The following DIPK1A variants were observed in gnomAD, a reference collection of about 807,000 sequenced individuals.
DIPK1A encodes family with sequence similarity 69 member A.
In DIPK1A, 27 loss-of-function variants were observed where a neutral mutation model predicts 40.8. The observed-to-expected ratio is 0.66, with a 90% CI of 0.49 to 0.91. The LOEUF is 0.91. Ranked by LOEUF, DIPK1A falls within the 40% of genes least tolerant of loss-of-function variation. The probability of loss-of-function intolerance (pLI) is 0.00; values close to 1 mark genes in which losing one functional copy is unlikely to be tolerated. For missense variants in DIPK1A, 412 were observed against 505.7 expected (o/e 0.81, Z 1.78); for synonymous variants, 166 against 171.3 (o/e 0.97, Z 0.24).
chr1:92,895,557 G>C (rs1328402776), intron 1 of DIPK1A, among the ~76,000 whole-genome samples: 2 of 152,016 alleles, frequency 1.3e-5, no homozygotes, highest in Non-Finnish European at 2.9e-5. Context: ...CATACTCAAT[G>C]GGCAAAAATT....
intron 4 of DIPK1A, among the ~76,000 whole-genome samples, chr1:92,846,829 A>ACACACACG (rs1557449839): frequency 0.02 from 130 of 6,534 alleles, 45 homozygotes; most frequent in Non-Finnish European, 0.024. Flanking sequence ...ATATATATAT[A>ACACACACG]TATATATATA....
chr1:92,947,364 C>T (rs1405608402), intron 1 of DIPK1A, among the ~76,000 whole-genome samples: 1 of 152,066 alleles, frequency 6.6e-6, no homozygotes, highest in Non-Finnish European at 1.5e-5. Context: ...AGAAAATCAT[C>T]AGGGAAATGC....
chr1:92,861,066 TAC>T (rs1647241075), intron 2 of DIPK1A, among the ~76,000 whole-genome samples: 1 of 152,096 alleles, frequency 6.6e-6, no homozygotes, highest in African/African-American at 2.4e-5. Flanking sequence ...CTTGACTTAT[TAC>T]AGTGACTAGG....
downstream of DIPK1A, among the ~76,000 whole-genome samples, chr1:92,839,125 G>A (rs1358602951): frequency 6.0e-5 from 9 of 150,622 alleles, no homozygotes; most frequent in Admixed American, 2.0e-4. Flanking sequence ...TTGGGAGGCC[G>A]TGGTGGGCAG....
chr1:92,897,516 G>A (rs991736749), intron 1 of DIPK1A, among the ~76,000 whole-genome samples: 30 of 152,232 alleles, frequency 2.0e-4, no homozygotes, highest in African/African-American at 6.0e-4. Flanking sequence ...TGGGGTGGGC[G>A]GAGGGGGGAG....
intron 3 of DIPK1A, among the ~76,000 whole-genome samples, chr1:92,850,354 G>A (rs910914052): frequency 2.6e-5 from 4 of 152,154 alleles, no homozygotes; most frequent in African/African-American, 7.2e-5. Flanking sequence ...AAACAAAACA[G>A]TGTCTGGAAT....
At chr1:92,868,022 G>A (rs1024723704) in intron 2 of DIPK1A, among the ~76,000 whole-genome samples, 6 of 152,160 alleles carry the variant, frequency 3.9e-5, no homozygotes, top group South Asian at 2.1e-4. Context: ...TATGTTCAAC[G>A]GATATGTCAG....
chr1:92,915,083 C>CAAAAAAAAAAAAAAA (rs10583235), intron 1 of DIPK1A, among the ~76,000 whole-genome samples: 1 of 80,080 alleles, frequency 1.2e-5, no homozygotes, highest in Non-Finnish European at 2.3e-5. Context: ...GCAAGACTGT[C>CAAAAAAAAAAAAAAA]AAAAAAAAAA....
At chr1:92,902,378 T>C (rs1571109032) in intron 1 of DIPK1A, among the ~76,000 whole-genome samples, 1 of 152,044 alleles carries the variant, frequency 6.6e-6, no homozygotes, top group Non-Finnish European at 1.5e-5. Context: ...TGGGCTGGGG[T>C]AGTTCAGCAG....
At chr1:92,887,719 G>A (rs1471471466) in intron 1 of DIPK1A, among the ~76,000 whole-genome samples, 5 of 152,170 alleles carry the variant, frequency 3.3e-5, no homozygotes, top group African/African-American at 1.2e-4. Flanking sequence ...AACTGATACT[G>A]GAGGGGACTA....
chr1:92,846,952 C>G (rs2100718572), intron 4 of DIPK1A, among the ~76,000 whole-genome samples: 1 of 114,798 alleles, frequency 8.7e-6, no homozygotes, highest in East Asian at 2.5e-4. Context: ...CTATGTTGCC[C>G]AGGCTGGACT....
chr1:92,960,885 A>G lies in DIPK1A; in HGVS notation c.54+491T>C, dbSNP rs537357828. On this transcript the variant is annotated intron_variant, in intron 1 of 4. Transcript: ENST00000370310. ...TGTGACAAATTGTCATAATTTTCTA[A>G]GACACGGAGGAATGCTACACCACCT... 2.0e-5 allele frequency among the ~76,000 whole-genome samples: 3 copies of G among 152,344 alleles called. No individual in the cohort carries two copies. In the South Asian group the frequency reaches 6.2e-4, roughly 32 times the overall value.
At chr1:92,931,497 G>A (rs2100872538) in intron 1 of DIPK1A, 1 of 160,950 alleles carries the variant, frequency 6.2e-6, no homozygotes. Context: ...GGAGGTTGAT[G>A]CAGGAGGACT....
intron 1 of DIPK1A, among the ~76,000 whole-genome samples, chr1:92,900,025 G>A (rs1310000007): frequency 1.4e-5 from 2 of 146,152 alleles, no homozygotes; most frequent in Admixed American, 7.0e-5. Context: ...TATGTGACTT[G>A]ACACTTTTCT....
chr1:92,916,723 A>G (rs1186026084), intron 1 of DIPK1A, among the ~76,000 whole-genome samples: 1 of 152,146 alleles, frequency 6.6e-6, no homozygotes, highest in Non-Finnish European at 1.5e-5. Context: ...TTACCCTGAT[A>G]ATGTTCATTT....
At chr1:92,844,971 G>A (rs1239265969) in intron 4 of DIPK1A, among the ~76,000 whole-genome samples, 1 of 116,484 alleles carries the variant, frequency 8.6e-6, no homozygotes, top group African/African-American at 3.4e-5. Flanking sequence ...TTGAGACGGA[G>A]TCTCGCTCTT....
At chr1:92,866,691 T>C (rs1419201568) in intron 2 of DIPK1A, among the ~76,000 whole-genome samples, 2 of 152,288 alleles carry the variant, frequency 1.3e-5, no homozygotes, top group East Asian at 3.9e-4. Flanking sequence ...GAGAGTATCC[T>C]AGATAGTCTG....
In DIPK1A at chr1:92,844,026, G is replaced by C; in HGVS notation, c.644C>G (p.Thr215Ser). The change falls in exon 5 of 5, where the codon ACC (threonine) becomes AGC (serine). Residue 215 changes from threonine to serine, a missense_variant. Physicochemically the swap from Thr to Ser is moderately conservative, Grantham distance 58. Transcript: ENST00000370310. ...LMVILQDKEH[T>S]PKLMGFCGDL... is the part of the protein sequence containing the mutation. ...ACCACAGAATCCCATTAATTTGGGG[G>C]TATGTTCTTTATCTTGAAGTATCAC... 3 of 1,552,112 alleles carry C rather than the reference G, an allele frequency of 1.9e-6. No homozygotes were observed. The highest frequency in any genetic ancestry group is 2.6e-6 in the Non-Finnish European group (3 of 1,147,054).
intron 1 of DIPK1A, among the ~76,000 whole-genome samples, chr1:92,921,164 A>AT (rs1253681665): frequency 1.3e-5 from 2 of 151,378 alleles, no homozygotes; most frequent in African/African-American, 4.9e-5. Flanking sequence ...ACACTTTAGT[A>AT]TTTTTTTTTA....
Sources: allele counts gnomAD v4.1 joint callset (sites outside exome capture counted in the v4.1 genomes callset), GRCh38; gene constraint gnomAD v4.1.1; transcripts MANE v1.5; gene names NCBI Gene and HGNC (gene_info 2026-07-23, HGNC 2026-07-21).